Variants in OR5P3 observed in about 807,000 individuals in gnomAD.
OR5P3 encodes olfactory receptor family 5 subfamily P member 3, also known as olfactory receptor 5P3.
For synonymous variants in OR5P3, 172 were observed against 141.8 expected (o/e 1.21, Z -1.51); for missense variants, 415 against 375.6 (o/e 1.10, Z -0.87).
chr11:7,830,517 C>G (rs1857798411), intron 1 of OR5P3, among the ~76,000 whole-genome samples: 1 of 152,060 alleles, frequency 6.6e-6, no homozygotes, highest in African/African-American at 2.4e-5. Flanking sequence ...ATGTGTTGGA[C>G]AGAAATGCCA....
chr11:7,825,499 T>C lies in OR5P3; in HGVS notation c.474A>G (p.Thr158=), dbSNP rs781726902. Residue 158 remains threonine (T), a synonymous_variant, in exon 2 of 2, where the codon ACA becomes ACG. Coordinates refer to ENST00000641167, the MANE Select transcript of OR5P3 (RefSeq NM_153445.2). ...SYLGGCVNAW[T]FIGCLLRLSF... is the part of the protein sequence containing the mutation. ...ACAGTCTTAATAAGCAGCCAATGAA[T>C]GTCCAAGCATTCACACATCCACCCA... The C allele has an allele frequency of 3.7e-6, 6 of 1,613,142 alleles. No individual in the cohort carries two copies. The highest frequency in any genetic ancestry group is 5.1e-6 in the Non-Finnish European group (6 of 1,180,044).
chr11:7,828,572 G>C (rs1857772262), intron 1 of OR5P3, among the ~76,000 whole-genome samples: 1 of 152,132 alleles, frequency 6.6e-6, no homozygotes, highest in Non-Finnish European at 1.5e-5. Flanking sequence ...CAGCTGACCT[G>C]GAGTGACTTA....
At chr11:7,827,106 C>T (rs550599473) in intron 1 of OR5P3, among the ~76,000 whole-genome samples, 2 of 152,260 alleles carry the variant, frequency 1.3e-5, no homozygotes, top group Admixed American at 1.3e-4. Context: ...AAATGGCTTT[C>T]TGGAAACTGA....
Position 7,825,082 on chromosome 11 carries a change from A to T in OR5P3, c.891T>A (p.Ile297=), listed in dbSNP as rs200973033. ...TAAGCTCTCTCTTCAGAGCCCCCTT[A>T]ATCTCCTTGTTCCTGAGGCTGTAGA... ...PLIYSLRNKE[I]KGALKRELRI... Residue 297 remains isoleucine (I), a synonymous_variant, in exon 2 of 2, where the codon ATT becomes ATA. Transcript: ENST00000641167. 1 of 1,614,016 alleles carries T rather than the reference A, an allele frequency of 6.2e-7. No homozygotes were observed. Among genetic ancestry groups the T allele is most frequent in the East Asian group, 2.2e-5 (1 of 44,876 alleles).
chr11:7,826,751 C>T (rs1857746609), intron 1 of OR5P3, among the ~76,000 whole-genome samples: 1 of 152,186 alleles, frequency 6.6e-6, no homozygotes, highest in Non-Finnish European at 1.5e-5. Context: ...GATCAGGTTA[C>T]TCCTGGAAGG....
intron 1 of OR5P3, 142 bp from the exon 2 acceptor site, chr11:7,826,135 T>A: frequency 3.5e-6 from 2 of 566,996 alleles, no homozygotes; most frequent in Non-Finnish European, 6.2e-6. Flanking sequence ...ACACACAGTA[T>A]CTTATGTAAG....
chr11:7,829,172 A>T (rs1268443574), intron 1 of OR5P3, among the ~76,000 whole-genome samples: 1 of 152,234 alleles, frequency 6.6e-6, no homozygotes, highest in Non-Finnish European at 1.5e-5. Flanking sequence ...ATTACAGCAT[A>T]GAAAGACCAA....
At chr11:7,830,168 G>A (rs1857792905) in intron 1 of OR5P3, among the ~76,000 whole-genome samples, 1 of 152,088 alleles carries the variant, frequency 6.6e-6, no homozygotes, top group Admixed American at 6.6e-5. Context: ...ATGCACTGCT[G>A]TCTCTTTCTC....
At chr11:7,829,087 T>C (rs981030215) in intron 1 of OR5P3, among the ~76,000 whole-genome samples, 51 of 151,980 alleles carry the variant, frequency 3.4e-4, no homozygotes, top group African/African-American at 1.2e-3. Flanking sequence ...TATTTGAAAA[T>C]ATATATTTGT....
Position 7,825,505 on chromosome 11 carries a change from A to T in OR5P3, c.468T>A (p.Ala156=), listed in dbSNP as rs756970280. 3 of 1,613,126 alleles carry T rather than the reference A, an allele frequency of 1.9e-6. No homozygotes were observed. Among genetic ancestry groups the T allele is most frequent in the Non-Finnish European group, 1.7e-6 (2 of 1,179,986 alleles). Reference sequence around the variant, plus strand: ...TTAATAAGCAGCCAATGAATGTCCAAGCATTCACACATCCACCCAGGTAGG... The same window carrying T: ...TTAATAAGCAGCCAATGAATGTCCATGCATTCACACATCCACCCAGGTAGG... The part of the protein sequence containing the change: ...GMSYLGGCVN[A]WTFIGCLLRL... The change falls in exon 2 of 2, where the codon GCT becomes GCA. Residue 156 remains alanine (A), a synonymous_variant. Coordinates refer to ENST00000641167, the MANE Select transcript of OR5P3 (RefSeq NM_153445.2).
intron 1 of OR5P3, among the ~76,000 whole-genome samples, chr11:7,827,246 ATTTAAAAAGGT>A (rs1208447299): frequency 3.9e-5 from 6 of 152,206 alleles, no homozygotes; most frequent in Non-Finnish European, 8.8e-5. Flanking sequence ...TTCATTACAT[ATTTAAAAAGGT>A]TTTAAAATTA....
rs73406693 is a variant in OR5P3 at position 7,825,394 on chromosome 11, A to C, written c.579T>G (p.Phe193Leu). The change falls in exon 2 of 2, where the codon TTT (phenylalanine) becomes TTG (leucine). Residue 193 changes from phenylalanine (F) to leucine (L), a missense_variant. Physicochemically the swap from Phe to Leu is conservative, Grantham distance 22. Transcript: ENST00000641167. ...PLLKLACSHD[F>L]TFEIIPAISS... is the part of the protein sequence containing the mutation. ...AGATAGCTGGAATTATTTCAAAAGT[A>C]AAATCATGGGAACAAGCAAGCTTCA... The C allele has an allele frequency of 2.5e-4, 402 of 1,613,248 alleles. 24 individuals carry two copies. In the African/African-American group the frequency reaches 3.9e-3, roughly 16 times the overall value.
chr11:7,825,465 CA>C lies in OR5P3; in HGVS notation c.507del (p.Cys169TrpfsTer17), dbSNP rs769503975. ...AAAAAGTGATTGACTTTATTTGGCC[CA>C]CAGAAGGACAGTCTTAATAAGCAGC... ...FIGCLLRLSF[C>X]GPNKVNHFFC... On this transcript the variant is annotated frameshift_variant, in exon 2 of 2. Transcript: ENST00000641167. LOFTEE classifies it low-confidence loss of function (END_TRUNC). 2.5e-6 allele frequency: 4 copies of C among 1,613,182 alleles called. No homozygotes were observed. In the African/African-American group the frequency reaches 5.4e-5, roughly 22 times the overall value.
rs114837709 is a variant in OR5P3, at chr11:7,828,978, A to G, written c.-22+1846T>C. ...AAATGTTTAAACTGAACGTGGAGAT[A>G]TAAGAAAGAAAATTTCCAAAATGAG... is the stretch of plus-strand genomic sequence containing the variant. On this transcript the variant is annotated intron_variant, in intron 1 of 1. Transcript: ENST00000641167. 8.8e-3 allele frequency among the ~76,000 whole-genome samples: 1,344 copies of G among 152,320 alleles called. 21 individuals carry two copies. The highest frequency in any genetic ancestry group is 0.03 in the African/African-American group (1,258 of 41,584).
At position 7,825,154 on chromosome 11, in the gene OR5P3, C is replaced by T; in HGVS notation, c.819G>A (p.Val273=). 6.2e-7 allele frequency: 1 copy of T among 1,607,166 alleles called. No homozygotes were observed. The highest frequency in any genetic ancestry group is 8.5e-7 in the Non-Finnish European group (1 of 1,179,958). Residue 273 remains valine, a synonymous_variant, in exon 2 of 2, where the codon GTG becomes GTA. Transcript: ENST00000641167. ...TCACCACGGTGTAGAACACAGACAC[C>T]ACCTTGTTCTGGTCAGTTGAGTAGC... ...KSSYSTDQNK[V]VSVFYTVVIP...
At position 7,825,499 on chromosome 11, in the gene OR5P3, T is replaced by A; in HGVS notation, c.474A>T (p.Thr158=). 1 of 1,613,260 alleles carries A rather than the reference T, an allele frequency of 6.2e-7. No homozygotes were observed. ...ACAGTCTTAATAAGCAGCCAATGAA[T>A]GTCCAAGCATTCACACATCCACCCA... ...SYLGGCVNAW[T]FIGCLLRLSF... Residue 158 remains threonine, a synonymous_variant, in exon 2 of 2, where the codon ACA becomes ACT. Transcript: ENST00000641167.
intron 1 of OR5P3, among the ~76,000 whole-genome samples, chr11:7,827,662 T>C (rs1564833132): frequency 6.6e-6 from 1 of 152,080 alleles, no homozygotes; most frequent in Non-Finnish European, 1.5e-5. Context: ...ATTCTACCAG[T>C]GAAAACAAGC....
chr11:7,825,576 A>C lies in OR5P3; in HGVS notation c.397T>G (p.Ser133Ala). The C allele has an allele frequency of 1.9e-6, 3 of 1,613,214 alleles. No homozygotes were observed. Among genetic ancestry groups the C allele is most frequent in the Non-Finnish European group, 2.5e-6 (3 of 1,180,030 alleles). Residue 133 changes from serine (S) to alanine (A), a missense_variant, in exon 2 of 2, where the codon TCT becomes GCT. Ser to Ala is a moderately conservative substitution (Grantham distance 99, BLOSUM62 1). Coordinates refer to ENST00000641167, the MANE Select transcript of OR5P3 (RefSeq NM_153445.2). ...YVAICSPLLYSTCMSPGVCII... is the reference protein window; with the variant it reads ...YVAICSPLLYATCMSPGVCII... ...CAGACTCCAGGGGACATGCAGGTAG[A>C]GTAGAGCAGGGGTGAGCAGATGGCC...
chr11:7,826,878 T>TC (rs1857748415), intron 1 of OR5P3, among the ~76,000 whole-genome samples: 2 of 152,130 alleles, frequency 1.3e-5, no homozygotes, highest in Admixed American at 6.6e-5. Context: ...AGTTGCTGTC[T>TC]GAAAAAAATT....
Sources: gnomAD v4.1 joint callset for allele counts (sites outside exome capture counted in the v4.1 genomes callset) on GRCh38, gnomAD v4.1.1 for gene constraint, MANE v1.5 for transcripts, NCBI Gene and HGNC (gene_info 2026-07-23, HGNC 2026-07-21) for gene names.